Variants in TSPAN12 observed in about 807,000 individuals in gnomAD.
The protein encoded by TSPAN12 is tetraspanin-12.
A neutral mutation model predicts 39.2 loss-of-function variants in TSPAN12; 19 were observed. The ratio of observed to expected loss-of-function variants is 0.49; its 90% CI spans 0.34 to 0.71. TSPAN12 has a LOEUF of 0.71. Among genes scored for constraint, TSPAN12 ranks in the 30% least tolerant of loss-of-function variants. TSPAN12 has a pLI of 0.01. For missense variants in TSPAN12, 314 were observed against 359.9 expected, an observed-to-expected ratio of 0.87 and a Z score of 1.03; for synonymous variants, 119 against 124.8, an observed-to-expected ratio of 0.95 and a Z score of 0.31.
chr7:120,794,319 C>A (rs987821905), intron 7 of TSPAN12, among the ~76,000 whole-genome samples: 4 of 152,102 alleles, frequency 2.6e-5, no homozygotes, highest in African/African-American at 9.7e-5. Flanking sequence ...ACATTTGTCC[C>A]CACCCAAGTC....
chr7:120,839,986 A>C (rs780765885), intron 3 of TSPAN12, 41 bp downstream of exon 3: 10 of 1,537,072 alleles, frequency 6.5e-6, no homozygotes, highest in Admixed American at 3.3e-5. Flanking sequence ...AGTTACTTAA[A>C]ATCAGCAAGA....
Position 120,806,579 on chromosome 7 carries a change from GT to G in TSPAN12, c.581del (p.His194ProfsTer21), listed in dbSNP as rs2116347903. 7 of 1,613,304 alleles carry G rather than the reference GT, an allele frequency of 4.3e-6. No individual in the cohort carries two copies. The highest frequency in any genetic ancestry group is 2.5e-6 in the Non-Finnish European group (3 of 1,179,528). On this transcript the variant is annotated frameshift_variant, in exon 7 of 8. Coordinates refer to ENST00000222747, the MANE Select transcript of TSPAN12 (RefSeq NM_012338.4). LOFTEE classifies it high-confidence loss of function. Reference protein sequence around the residue: ...REFPGCSKQAHQEDLSDLYQE... With the variant: ...REFPGCSKQAXQEDLSDLYQE... Reference sequence around the variant, plus strand: ...GATAAAGGTCACTGAGATCTTCCTGGTGGGCCTGTTTGGAACATCCTGGGAA... The same window carrying G: ...GATAAAGGTCACTGAGATCTTCCTGGGGGCCTGTTTGGAACATCCTGGGAA...
At chr7:120,813,215 C>T (rs1794015766) in intron 5 of TSPAN12, among the ~76,000 whole-genome samples, 1 of 152,324 alleles carries the variant, frequency 6.6e-6, no homozygotes, top group East Asian at 1.9e-4. Context: ...TTCATTCACA[C>T]TGCTATTAGT....
At chr7:120,816,714 A>G (rs1487316323) in intron 4 of TSPAN12, among the ~76,000 whole-genome samples, 3 of 152,164 alleles carry the variant, frequency 2.0e-5, no homozygotes, top group African/African-American at 7.2e-5. Context: ...GCATTAAGGT[A>G]GCATCTTTCA....
chr7:120,787,374 G>T lies in TSPAN12; in HGVS notation c.*1218C>A, dbSNP rs1793429164. 6.6e-6 allele frequency: 1 copy of T among 152,320 alleles called. No individual in the cohort carries two copies. The highest frequency in any genetic ancestry group is 1.5e-5 in the Non-Finnish European group (1 of 67,938). The allele number at this position is 152,320 out of a possible 1,614,324, so 9.4% of individuals were successfully genotyped here. ...TTTTAATTTTCTTTCCATATTCTGA[G>T]AAATAAACAAAATACACAAAATACA... On this transcript the variant is annotated 3_prime_UTR_variant, in exon 8 of 8. Coordinates refer to ENST00000222747, the MANE Select transcript of TSPAN12 (RefSeq NM_012338.4).
At chr7:120,838,552 A>G (rs1252532690) in intron 4 of TSPAN12, among the ~76,000 whole-genome samples, 1 of 152,248 alleles carries the variant, frequency 6.6e-6, no homozygotes, top group African/African-American at 2.4e-5. Flanking sequence ...GAAAATGTCA[A>G]CACGTAGCTG....
chr7:120,794,483 T>A (rs1465396260), intron 7 of TSPAN12, among the ~76,000 whole-genome samples: 1 of 152,092 alleles, frequency 6.6e-6, no homozygotes, highest in African/African-American at 2.4e-5. Context: ...CCACCCCCCA[T>A]CTCTCTCTCC....
intron 2 of TSPAN12, among the ~76,000 whole-genome samples, chr7:120,842,561 C>T (rs1347169242): frequency 2.6e-5 from 4 of 151,684 alleles, no homozygotes; most frequent in African/African-American, 7.3e-5. Context: ...TGTTGGGCTT[C>T]GACGTGCCAG....
chr7:120,830,020 T>C (rs185536616), intron 4 of TSPAN12, among the ~76,000 whole-genome samples: 17 of 152,228 alleles, frequency 1.1e-4, no homozygotes, highest in African/African-American at 4.1e-4. Context: ...ACATTTACTT[T>C]TGAAGACATC....
chr7:120,790,366 T>C (rs142621082), intron 7 of TSPAN12, among the ~76,000 whole-genome samples: 49 of 152,320 alleles, frequency 3.2e-4, no homozygotes, highest in African/African-American at 1.1e-3. Flanking sequence ...ATAATAGTGC[T>C]TACCTGTCTG....
At chr7:120,840,155 A>T in intron 2 of TSPAN12, 46 bp from the exon 3 acceptor site, 1 of 1,341,412 alleles carries the variant, frequency 7.5e-7, no homozygotes, top group Admixed American at 1.7e-5. Flanking sequence ...TTTACGTAAC[A>T]TTCACTGCAG....
At chr7:120,848,892 A>G (rs1300658274) in intron 2 of TSPAN12, among the ~76,000 whole-genome samples, 2 of 152,224 alleles carry the variant, frequency 1.3e-5, no homozygotes, top group Non-Finnish European at 2.9e-5. Context: ...CAAGAAACTG[A>G]ACTAAAACGA....
Position 120,815,874 on chromosome 7 carries a change from A to G in TSPAN12, c.286-71T>C, listed in dbSNP as rs1794070968. The G allele has an allele frequency of 8.6e-6, 12 of 1,392,026 alleles. No homozygotes were observed. In the South Asian group the frequency reaches 1.2e-4, roughly 14 times the overall value. The allele number at this position is 1,392,026 out of a possible 1,614,324, so 86.2% of individuals were successfully genotyped here. On this transcript the variant is annotated intron_variant, in intron 4 of 7. Coordinates refer to ENST00000222747, the MANE Select transcript of TSPAN12 (RefSeq NM_012338.4). ...TAGGCTCCTCAAAGACAGACTTGGT[A>G]TTATGTTTACCTAGTGACCAAGAAA... is the stretch of plus-strand genomic sequence containing the variant.
chr7:120,835,552 C>T (rs1221481567), intron 4 of TSPAN12, among the ~76,000 whole-genome samples: 1 of 152,182 alleles, frequency 6.6e-6, no homozygotes, highest in Non-Finnish European at 1.5e-5. Flanking sequence ...AGGCAACTCA[C>T]TTAATCTCTC....
intron 2 of TSPAN12, among the ~76,000 whole-genome samples, chr7:120,842,859 T>A (rs1249967241): frequency 6.6e-6 from 1 of 151,790 alleles, no homozygotes. Flanking sequence ...ATTATATTAA[T>A]TATATTAATC....
chr7:120,856,888 A>C (rs945316467), intron 1 of TSPAN12, 55 bp from the exon 2 acceptor site: 2 of 1,066,676 alleles, frequency 1.9e-6, no homozygotes, highest in African/African-American at 3.1e-5. Flanking sequence ...CGCTTCCCAC[A>C]GCCTGCCCGT....
chr7:120,788,640 T>C lies in TSPAN12; in HGVS notation c.870A>G (p.Thr290=), dbSNP rs560056499. 3.7e-6 allele frequency: 6 copies of C among 1,614,172 alleles called. No homozygotes were observed. In the African/African-American group the frequency reaches 8.0e-5, roughly 22 times the overall value. The change falls in exon 8 of 8, where the codon ACA becomes ACG. Residue 290 remains threonine (T), a synonymous_variant. Transcript: ENST00000222747. The stretch of plus-strand genomic sequence containing the variant: ...GTGTATTAAAGCTGTTTGCCATGGA[T>C]GTGTGTTCAAAGATTCTTGACAGGC... ...KPSLSRIFEH[T]SMANSFNTHF... is the part of the protein sequence containing the mutation.
At chr7:120,829,314 GCTTT>G (rs1562948142) in intron 4 of TSPAN12, among the ~76,000 whole-genome samples, 1 of 151,658 alleles carries the variant, frequency 6.6e-6, no homozygotes, top group African/African-American at 2.4e-5. Flanking sequence ...TCAAGAAAAA[GCTTT>G]CTTTAATTCA....
At chr7:120,807,409 T>G (rs1010777866) in intron 6 of TSPAN12, among the ~76,000 whole-genome samples, 3 of 152,126 alleles carry the variant, frequency 2.0e-5, no homozygotes, top group Non-Finnish European at 4.4e-5. Context: ...AAAAACTGTC[T>G]CTGATCAAGG....
Sources: allele counts gnomAD v4.1 joint callset (sites outside exome capture counted in the v4.1 genomes callset), GRCh38; gene constraint gnomAD v4.1.1; transcripts MANE v1.5; gene names NCBI Gene and HGNC (gene_info 2026-07-23, HGNC 2026-07-21).